Variants in RBFOX2 observed in about 807,000 individuals in gnomAD.
The protein encoded by RBFOX2 is RNA binding fox-1 homolog 2, also known as RNA binding protein fox-1 homolog 2.
Under a neutral mutation model 49.1 loss-of-function variants are expected in RBFOX2, and 10 were observed. That is an observed-to-expected ratio of 0.20 (90% CI 0.13 to 0.35). The LOEUF is 0.35. RBFOX2 is among the 10% of genes least tolerant of loss of function. The probability of loss-of-function intolerance (pLI) is 1.00; values close to 1 mark genes in which losing one functional copy is unlikely to be tolerated. For synonymous variants in RBFOX2, 183 were observed against 187.4 expected, an observed-to-expected ratio of 0.98 and a Z score of 0.19; for missense variants, 323 against 486.9, an observed-to-expected ratio of 0.66 and a Z score of 3.17.
Position 35,810,308 on chromosome 22 carries a change from T to C in RBFOX2, c.28-304A>G, listed in dbSNP as rs1284740726. Among the ~76,000 whole-genome samples, 9 of 152,038 alleles carry C rather than the reference T, an allele frequency of 5.9e-5. No homozygotes were observed. The South Asian group carries it at 6.2e-4, about 11-fold the overall frequency. On this transcript the variant is annotated intron_variant, in intron 1 of 11. Transcript: ENST00000405409. The stretch of plus-strand genomic sequence containing the variant: ...ATGCCAAAGGGGCAAAAATCTTTCC[T>C]TTAAATTAAAAGTAGGTGGAGAGCC...
At chr22:35,967,709 C>T (rs575151705) in intron 1 of RBFOX2, among the ~76,000 whole-genome samples, 1 of 152,260 alleles carries the variant, frequency 6.6e-6, no homozygotes, top group South Asian at 2.1e-4. Flanking sequence ...AACCCTCCAC[C>T]ATCCTCAGCT....
chr22:35,900,715 T>C (rs971955746), intron 1 of RBFOX2, among the ~76,000 whole-genome samples: 2 of 152,012 alleles, frequency 1.3e-5, no homozygotes, highest in African/African-American at 2.4e-5. Flanking sequence ...ATGTGACACA[T>C]GGACCAGCAA....
intron 1 of RBFOX2, among the ~76,000 whole-genome samples, chr22:35,958,977 T>TATATATATATA (rs755064541): frequency 6.6e-6 from 1 of 150,956 alleles, no homozygotes; most frequent in Non-Finnish European, 1.5e-5. Flanking sequence ...ATATATATAT[T>TATATATATATA]GTGTAAAGCT....
At chr22:35,796,219 A>G (rs946290270) in intron 2 of RBFOX2, among the ~76,000 whole-genome samples, 1 of 152,194 alleles carries the variant, frequency 6.6e-6, no homozygotes, top group African/African-American at 2.4e-5. Flanking sequence ...CTGAGGATTC[A>G]GAGAGCTTTT....
chr22:35,987,234 A>G (rs2150090179), intron 1 of RBFOX2, among the ~76,000 whole-genome samples: 1 of 152,328 alleles, frequency 6.6e-6, no homozygotes, highest in Middle Eastern at 3.4e-3. Context: ...CCACAATACT[A>G]AAATTGTGTT....
At chr22:35,977,722 CTATATATATATATATATATATATATA>C (rs375088964) in intron 1 of RBFOX2, among the ~76,000 whole-genome samples, 11 of 80,842 alleles carry the variant, frequency 1.4e-4, no homozygotes, top group African/African-American at 2.4e-4. Context: ...CCTGAATGAA[CTATATATATATATATATATATATATA>C]TATATATATA....
chr22:35,943,988 CT>C (rs1341291739), intron 1 of RBFOX2, among the ~76,000 whole-genome samples: 45 of 152,230 alleles, frequency 3.0e-4, no homozygotes, highest in Admixed American at 2.9e-3. Flanking sequence ...TAGCATCTGA[CT>C]TTTATATTCT....
chr22:35,904,916 A>G (rs2048966573), intron 1 of RBFOX2, among the ~76,000 whole-genome samples: 1 of 152,204 alleles, frequency 6.6e-6, no homozygotes, highest in Admixed American at 6.5e-5. Flanking sequence ...ACGTGAGGAT[A>G]GTGGCTATCA....
At chr22:35,958,844 C>T (rs1170536701) in intron 1 of RBFOX2, among the ~76,000 whole-genome samples, 2 of 152,162 alleles carry the variant, frequency 1.3e-5, no homozygotes, top group African/African-American at 2.4e-5. Flanking sequence ...TCTCGTTATA[C>T]TTTGATTCCT....
intron 1 of RBFOX2, chr22:35,897,744 C>T (rs937882592): frequency 1.1e-5 from 9 of 789,906 alleles, no homozygotes; most frequent in African/African-American, 3.4e-5. Flanking sequence ...CAAACCAACA[C>T]ATATTTGCAA....
At chr22:35,795,436 T>C (rs1948611885) in intron 2 of RBFOX2, among the ~76,000 whole-genome samples, 1 of 152,064 alleles carries the variant, frequency 6.6e-6, no homozygotes, top group African/African-American at 2.4e-5. Context: ...CATTATGTTC[T>C]AGAAATACTC....
At chr22:35,816,733 A>G (rs1402076424) in intron 1 of RBFOX2, among the ~76,000 whole-genome samples, 1 of 152,214 alleles carries the variant, frequency 6.6e-6, no homozygotes, top group Non-Finnish European at 1.5e-5. Flanking sequence ...TTACTGTAAT[A>G]AAAACCAATC....
At chr22:35,888,876 C>T (rs1240650626) in intron 1 of RBFOX2, among the ~76,000 whole-genome samples, 1 of 152,096 alleles carries the variant, frequency 6.6e-6, no homozygotes, top group Admixed American at 6.5e-5. Context: ...AAATCTTGGC[C>T]GGGCACACTG....
chr22:35,925,370 T>G (rs1189633913), intron 1 of RBFOX2, among the ~76,000 whole-genome samples: 2 of 151,800 alleles, frequency 1.3e-5, no homozygotes, highest in Non-Finnish European at 2.9e-5. Context: ...AATAAAACAT[T>G]AAAAAATTAG....
intron 2 of RBFOX2, among the ~76,000 whole-genome samples, chr22:35,786,338 A>T (rs1954331719): frequency 6.6e-6 from 1 of 152,216 alleles, no homozygotes; most frequent in Non-Finnish European, 1.5e-5. Flanking sequence ...TTCTAAGTCG[A>T]TCTGCCATGT....
upstream of RBFOX2, among the ~76,000 whole-genome samples, chr22:35,966,097 C>T (rs2056543649): frequency 6.6e-6 from 1 of 152,132 alleles, no homozygotes; most frequent in African/African-American, 2.4e-5. Flanking sequence ...ATTCACTCTG[C>T]CTGTTTTGAA....
chr22:35,941,758 A>G (rs760878690), upstream of RBFOX2, among the ~76,000 whole-genome samples: 26 of 152,344 alleles, frequency 1.7e-4, no homozygotes, highest in Non-Finnish European at 2.8e-4. Context: ...TCACATTCGT[A>G]TAAGCCAGTA....
chr22:35,755,419 G>C (rs752029426), intron 9 of RBFOX2, among the ~76,000 whole-genome samples: 1 of 152,194 alleles, frequency 6.6e-6, no homozygotes, highest in African/African-American at 2.4e-5. Context: ...ATGGCTAGTA[G>C]AGTCAGCAAA....
At chr22:35,777,840 T>G (rs1244260294) in intron 4 of RBFOX2, 185 bp downstream of exon 5, 1 of 606,514 alleles carries the variant, frequency 1.6e-6, no homozygotes, top group East Asian at 2.8e-5. Context: ...CACCCCCATA[T>G]AAGTATCAGA....
Sources: allele counts gnomAD v4.1 joint callset (sites outside exome capture counted in the v4.1 genomes callset), GRCh38; gene constraint gnomAD v4.1.1; transcripts MANE v1.5; gene names NCBI Gene and HGNC (gene_info 2026-07-23, HGNC 2026-07-21).